The following CCBE1 variants were observed in gnomAD, a reference collection of about 807,000 sequenced individuals.
CCBE1 encodes collagen and calcium binding EGF domains 1.
A neutral mutation model predicts 50.0 loss-of-function variants in CCBE1; 37 were observed. That is an observed-to-expected ratio of 0.74 (90% CI 0.57 to 0.97). CCBE1 has a LOEUF of 0.97. Ranked by LOEUF, CCBE1 falls within the 50% of genes least tolerant of loss-of-function variation. The pLI is 0.00. For synonymous variants in CCBE1, 234 were observed against 203.7 expected (o/e 1.15, Z -1.27); for missense variants, 538 against 523.8 (o/e 1.03, Z -0.26).
chr18:59,527,016 T>C (rs1914850783), intron 2 of CCBE1, among the ~76,000 whole-genome samples: 1 of 152,236 alleles, frequency 6.6e-6, no homozygotes, highest in Non-Finnish European at 1.5e-5. Flanking sequence ...TGTAGCTATC[T>C]AATAGGCTCA....
intron 2 of CCBE1, among the ~76,000 whole-genome samples, chr18:59,615,554 A>G (rs1254436692): frequency 6.6e-6 from 1 of 151,822 alleles, no homozygotes; most frequent in Non-Finnish European, 1.5e-5. Flanking sequence ...TATTTGGTAT[A>G]TATTTTGATC....
At chr18:59,544,632 A>C (rs986875152) in intron 2 of CCBE1, among the ~76,000 whole-genome samples, 8 of 152,174 alleles carry the variant, frequency 5.3e-5, no homozygotes, top group African/African-American at 1.9e-4. Context: ...ACAAAATGAA[A>C]AGTTAGTAAC....
At chr18:59,536,361 C>A (rs959315804) in intron 2 of CCBE1, among the ~76,000 whole-genome samples, 1 of 152,220 alleles carries the variant, frequency 6.6e-6, no homozygotes, top group Non-Finnish European at 1.5e-5. Flanking sequence ...CTCCTCCTCT[C>A]CTTTTTCCAC....
chr18:59,598,338 A>G (rs2053385169), intron 2 of CCBE1, among the ~76,000 whole-genome samples: 1 of 152,190 alleles, frequency 6.6e-6, no homozygotes, highest in African/African-American at 2.4e-5. Flanking sequence ...AAGCTGCCAT[A>G]TGAAGTTGCC....
Position 59,645,875 on chromosome 18 carries a change from CA to C in CCBE1, c.212+50753del, listed in dbSNP as rs1398120461. ...TGAAACCCCGTCTCTGCTAAAAATACAAAAAAATAGCCGGGTGTGGTGGCGG... is the reference window on the plus strand; with the variant it reads ...TGAAACCCCGTCTCTGCTAAAAATACAAAAAATAGCCGGGTGTGGTGGCGG... On this transcript the variant is annotated intron_variant, in intron 2 of 10. Coordinates refer to ENST00000439986, the MANE Select transcript of CCBE1 (RefSeq NM_133459.4). Among the ~76,000 whole-genome samples the C allele has an allele frequency of 5.3e-5, 8 of 152,058 alleles. No homozygotes were observed. In the South Asian group the frequency reaches 1.5e-3, roughly 28 times the overall value.
intron 2 of CCBE1, among the ~76,000 whole-genome samples, chr18:59,557,068 C>G (rs560368231): frequency 3.5e-4 from 54 of 152,272 alleles, no homozygotes; most frequent in Admixed American, 3.2e-3. Context: ...GCTCACAGGC[C>G]AGCAGCTGGG....
intron 2 of CCBE1, among the ~76,000 whole-genome samples, chr18:59,640,549 AC>A (rs1599090794): frequency 6.6e-6 from 1 of 152,184 alleles, no homozygotes; most frequent in Admixed American, 6.5e-5. Context: ...TCTAATAAAT[AC>A]CATTCTGGAC....
chr18:59,669,689 C>T (rs1409402826), intron 2 of CCBE1, among the ~76,000 whole-genome samples: 1 of 152,236 alleles, frequency 6.6e-6, no homozygotes, highest in East Asian at 1.9e-4. Flanking sequence ...TCATGAAGTG[C>T]TGGAGATGAC....
At position 59,479,970 on chromosome 18, in the gene CCBE1, C is replaced by T. The variant is rs563337211; in HGVS notation, c.265+216G>A. Among the ~76,000 whole-genome samples the T allele has an allele frequency of 3.3e-5, 5 of 152,328 alleles. No homozygotes were observed. In the South Asian group the frequency reaches 1.0e-3, roughly 32 times the overall value. On this transcript the variant is annotated intron_variant, in intron 3 of 10. Coordinates refer to ENST00000439986, the MANE Select transcript of CCBE1 (RefSeq NM_133459.4). ...CCTGAAATACTATATAAGAATGACT[C>T]AATGTGTGCAAGCACATCATGTAAT...
At chr18:59,671,471 C>G (rs564930827) in intron 2 of CCBE1, among the ~76,000 whole-genome samples, 11 of 149,766 alleles carry the variant, frequency 7.3e-5, no homozygotes, top group African/African-American at 2.7e-4. Context: ...GCATTCCAGC[C>G]TGGGCAACAG....
Position 59,540,062 on chromosome 18 carries a change from G to A in CCBE1, c.213-59824C>T, listed in dbSNP as rs561552197. On this transcript the variant is annotated intron_variant, in intron 2 of 10. Transcript: ENST00000439986. ...TATAATCTTGGACCCATAAAATTTT[G>A]AGTTCCAAAATAAACCTTTCATTTC... is the stretch of plus-strand genomic sequence containing the variant. Among the ~76,000 whole-genome samples, 211 of 152,232 alleles carry A rather than the reference G, an allele frequency of 1.4e-3. 1 individual carries two copies. Among genetic ancestry groups the A allele is most frequent in the African/African-American group, 4.6e-3 (192 of 41,550 alleles).
chr18:59,527,877 G>A (rs977844246), intron 2 of CCBE1, among the ~76,000 whole-genome samples: 1 of 152,140 alleles, frequency 6.6e-6, no homozygotes, highest in South Asian at 2.1e-4. Context: ...TCTCCTGTAG[G>A]TGACCTAGTG....
At chr18:59,451,591 G>A (rs1910935574) in intron 6 of CCBE1, among the ~76,000 whole-genome samples, 1 of 152,086 alleles carries the variant, frequency 6.6e-6, no homozygotes, top group Non-Finnish European at 1.5e-5. Flanking sequence ...CCACACCACA[G>A]AAGAAGTGGT....
Position 59,447,903 on chromosome 18 carries a change from G to C in CCBE1, c.775+80C>G, listed in dbSNP as rs559111772. On this transcript the variant is annotated intron_variant, in intron 7 of 10. Coordinates refer to ENST00000439986, the MANE Select transcript of CCBE1 (RefSeq NM_133459.4). The stretch of plus-strand genomic sequence containing the variant: ...TCCTCGATGGAAGCTGGAGAACATT[G>C]TCCAGGCCCCAGCAAATGTGAGCTT... The C allele has an allele frequency of 1.9e-6, 3 of 1,603,408 alleles. No homozygotes were observed. In the South Asian group the frequency reaches 3.3e-5, roughly 18 times the overall value.
chr18:59,502,752 A>T (rs1367819992), intron 2 of CCBE1, among the ~76,000 whole-genome samples: 1 of 152,190 alleles, frequency 6.6e-6, no homozygotes, highest in Non-Finnish European at 1.5e-5. Context: ...AAGGCAAAGC[A>T]TGTCAGAGCG....
At chr18:59,575,171 T>A (rs2052975326) in intron 2 of CCBE1, among the ~76,000 whole-genome samples, 1 of 152,168 alleles carries the variant, frequency 6.6e-6, no homozygotes, top group Non-Finnish European at 1.5e-5. Context: ...ACCCTGCTGA[T>A]GCCTTGATCT....
chr18:59,571,162 CA>C (rs2052907614), intron 2 of CCBE1, among the ~76,000 whole-genome samples: 1 of 152,122 alleles, frequency 6.6e-6, no homozygotes, highest in African/African-American at 2.4e-5. Context: ...TTGCTAATGA[CA>C]TCAGGAAAGG....
intron 3 of CCBE1, among the ~76,000 whole-genome samples, chr18:59,475,022 C>T (rs948273136): frequency 6.6e-6 from 1 of 152,150 alleles, no homozygotes; most frequent in Non-Finnish European, 1.5e-5. Context: ...TCCTGCCCTG[C>T]CCATTTTGTG....
intron 2 of CCBE1, among the ~76,000 whole-genome samples, chr18:59,657,981 AT>A (rs1179228693): frequency 6.6e-6 from 1 of 151,986 alleles, no homozygotes; most frequent in African/African-American, 2.4e-5. Flanking sequence ...GAGGCAGCAC[AT>A]TGGAGTAGCA....
Sources: gnomAD v4.1 joint callset for allele counts (sites outside exome capture counted in the v4.1 genomes callset) on GRCh38, gnomAD v4.1.1 for gene constraint, MANE v1.5 for transcripts, NCBI Gene and HGNC (gene_info 2026-07-23, HGNC 2026-07-21) for gene names.